Variants in PDZRN4 observed in about 807,000 individuals in gnomAD.
PDZRN4 encodes the protein PDZ domain-containing RING finger protein 4.
In PDZRN4, 70 loss-of-function variants were observed where a neutral mutation model predicts 99.0. The observed-to-expected ratio is 0.71, with a 90% CI of 0.58 to 0.86. PDZRN4 has a LOEUF of 0.86. Ranked by LOEUF, PDZRN4 falls within the 40% of genes least tolerant of loss-of-function variation. PDZRN4 has a pLI of 0.00. For synonymous variants in PDZRN4, 551 were observed against 501.6 expected, an observed-to-expected ratio of 1.10 and a Z score of -1.32; for missense variants, 1,474 against 1,331.2, an observed-to-expected ratio of 1.11 and a Z score of -1.67.
chr12:41,362,650 A>T (rs1951972398), intron 3 of PDZRN4, among the ~76,000 whole-genome samples: 1 of 152,040 alleles, frequency 6.6e-6, no homozygotes, highest in African/African-American at 2.4e-5. Context: ...TTTCCTGCAC[A>T]TTGTCAAGGA....
At chr12:41,309,869 A>C (rs904131711) in intron 3 of PDZRN4, among the ~76,000 whole-genome samples, 1 of 152,160 alleles carries the variant, frequency 6.6e-6, no homozygotes, top group African/African-American at 2.4e-5. Flanking sequence ...TACAATATCC[A>C]ACATGGTTGT....
chr12:41,275,003 G>A (rs546307437), intron 3 of PDZRN4, among the ~76,000 whole-genome samples: 2 of 152,218 alleles, frequency 1.3e-5, no homozygotes, highest in African/African-American at 2.4e-5. Context: ...GTCAGTGTCG[G>A]ACTAGGCACC....
rs141994898 is a variant in PDZRN4 at position 41,349,804 on chromosome 12, A to C, written c.843+155616A>C. ...CATAACAGAGGTATATGTATACGGT[A>C]TGGGGAAGCAATAACAAAAATGCAG... On this transcript the variant is annotated intron_variant, in intron 3 of 9. Transcript: ENST00000402685. Among the ~76,000 whole-genome samples the C allele has an allele frequency of 3.4e-4, 51 of 152,098 alleles. No homozygotes were observed. In the Middle Eastern group the frequency reaches 0.02, roughly 61 times the overall value.
intron 3 of PDZRN4, among the ~76,000 whole-genome samples, chr12:41,439,936 T>C (rs1310089649): frequency 1.3e-5 from 2 of 152,276 alleles, no homozygotes; most frequent in East Asian, 3.9e-4. Flanking sequence ...ATAGATAAGA[T>C]ATCAAAGGAA....
Position 41,567,878 on chromosome 12 carries a change from C to T in PDZRN4, c.1563C>T (p.Pro521=). 1 of 1,609,232 alleles carries T rather than the reference C, an allele frequency of 6.2e-7. No individual in the cohort carries two copies. Among genetic ancestry groups the T allele is most frequent in the Non-Finnish European group, 8.5e-7 (1 of 1,176,386 alleles). The change falls in exon 9 of 10, where the codon CCC becomes CCT. Residue 521 remains proline (P), a synonymous_variant. Coordinates refer to ENST00000402685, the MANE Select transcript of PDZRN4 (RefSeq NM_001164595.2). Reference sequence around the variant, plus strand: ...AAGAGCATAATGAAGCAATGCAGCCCACTGCCAATGAGGTGGAGCAGGTAG... The same window carrying T: ...AAGAGCATAATGAAGCAATGCAGCCTACTGCCAATGAGGTGGAGCAGGTAG... ...LEEEHNEAMQ[P]TANEVEQPKK...
chr12:41,461,005 C>A (rs1952867973), intron 3 of PDZRN4, among the ~76,000 whole-genome samples: 1 of 152,284 alleles, frequency 6.6e-6, no homozygotes, highest in Non-Finnish European at 1.5e-5. Flanking sequence ...ACAGCTTTAG[C>A]TTTTCCTCTG....
At chr12:41,206,535 A>ATTT (rs201146775) in intron 3 of PDZRN4, among the ~76,000 whole-genome samples, 2,214 of 150,580 alleles carry the variant, frequency 0.015, 61 homozygotes, top group African/African-American at 0.052. Flanking sequence ...AAGCTTAATT[A>ATTT]ATTAATAAAT....
rs190486037 is a variant in PDZRN4, at chr12:41,562,152, T to C, written c.1366-1396T>C. The stretch of plus-strand genomic sequence containing the variant: ...AACCACTGAATTTCCTTTCTGTGTA[T>C]ACAAGTGAGAAATGACAGTGATTGG... On this transcript the variant is annotated intron_variant, in intron 7 of 9. Coordinates refer to ENST00000402685, the MANE Select transcript of PDZRN4 (RefSeq NM_001164595.2). Among the ~76,000 whole-genome samples the C allele has an allele frequency of 2.3e-3, 354 of 152,306 alleles. 2 individuals carry two copies. Among genetic ancestry groups the C allele is most frequent in the African/African-American group, 7.4e-3 (306 of 41,570 alleles).
intron 5 of PDZRN4, among the ~76,000 whole-genome samples, chr12:41,543,328 A>AGC (rs1938892557): frequency 1.3e-5 from 2 of 151,926 alleles, no homozygotes; most frequent in South Asian, 4.2e-4. Context: ...AGAATTAAAA[A>AGC]GTGTGTGTGT....
chr12:41,466,581 T>C (rs1952927605), intron 3 of PDZRN4, among the ~76,000 whole-genome samples: 1 of 152,154 alleles, frequency 6.6e-6, no homozygotes, highest in Non-Finnish European at 1.5e-5. Flanking sequence ...CCACTCTTAC[T>C]AGGCTTCTCA....
chr12:41,522,468 G>C (rs1212627781), intron 5 of PDZRN4, among the ~76,000 whole-genome samples: 1 of 152,226 alleles, frequency 6.6e-6, no homozygotes, highest in Non-Finnish European at 1.5e-5. Flanking sequence ...ATACAACCGA[G>C]TGTAGGATGG....
At chr12:41,317,385 A>G (rs374480040) in intron 3 of PDZRN4, among the ~76,000 whole-genome samples, 2 of 151,940 alleles carry the variant, frequency 1.3e-5, no homozygotes, top group Admixed American at 6.6e-5. Flanking sequence ...TTCTCTTAAG[A>G]TCTTCAACTG....
At chr12:41,493,395 T>C (rs1391901197) in intron 3 of PDZRN4, among the ~76,000 whole-genome samples, 1 of 152,168 alleles carries the variant, frequency 6.6e-6, no homozygotes, top group Non-Finnish European at 1.5e-5. Flanking sequence ...TCCCCCACTC[T>C]TCCAAATAAA....
chr12:41,459,658 G>A (rs1414376815), intron 3 of PDZRN4, among the ~76,000 whole-genome samples: 1 of 152,130 alleles, frequency 6.6e-6, no homozygotes, highest in Non-Finnish European at 1.5e-5. Flanking sequence ...TATACCCCAA[G>A]ATTCTGTTAT....
intron 7 of PDZRN4, among the ~76,000 whole-genome samples, chr12:41,558,607 G>T (rs1314352705): frequency 6.6e-6 from 1 of 152,140 alleles, no homozygotes; most frequent in Non-Finnish European, 1.5e-5. Context: ...GGGATATTGT[G>T]GGCAGGTAAG....
At chr12:41,308,243 G>C (rs7965625) in intron 3 of PDZRN4, among the ~76,000 whole-genome samples, 1 of 151,812 alleles carries the variant, frequency 6.6e-6, no homozygotes, top group Non-Finnish European at 1.5e-5. Context: ...TTGAGAAATG[G>C]AAAAGGTAAA....
At chr12:41,355,496 G>T (rs1474870360) in intron 3 of PDZRN4, among the ~76,000 whole-genome samples, 1 of 152,056 alleles carries the variant, frequency 6.6e-6, no homozygotes, top group African/African-American at 2.4e-5. Flanking sequence ...CCTTCAATTA[G>T]CTCAAGCAGC....
At chr12:41,312,276 A>AC (rs1470644169) in intron 3 of PDZRN4, among the ~76,000 whole-genome samples, 5 of 151,984 alleles carry the variant, frequency 3.3e-5, no homozygotes, top group Middle Eastern at 3.4e-3. Context: ...GAAAAAAAAA[A>AC]ACACACATAC....
At chr12:41,497,456 A>T (rs573167308) in intron 3 of PDZRN4, among the ~76,000 whole-genome samples, 3 of 152,234 alleles carry the variant, frequency 2.0e-5, no homozygotes, top group South Asian at 4.1e-4. Flanking sequence ...CTCAGTGAAT[A>T]GGTTTATTAA....
Sources: allele counts gnomAD v4.1 joint callset (sites outside exome capture counted in the v4.1 genomes callset), GRCh38; gene constraint gnomAD v4.1.1; transcripts MANE v1.5; gene names NCBI Gene and HGNC (gene_info 2026-07-23, HGNC 2026-07-21).